The following AGBL4 variants were observed in gnomAD, a reference collection of about 807,000 sequenced individuals.
AGBL4 encodes cytosolic carboxypeptidase 6.
Under a neutral mutation model 66.4 loss-of-function variants are expected in AGBL4, and 58 were observed. That is an observed-to-expected ratio of 0.87 (90% CI 0.71 to 1.09). The LOEUF (loss-of-function observed/expected upper bound fraction) is 1.09, where lower values mean the gene tolerates loss of function less well. Among genes scored for constraint, AGBL4 ranks in the 50% least tolerant of loss-of-function variants. The probability of loss-of-function intolerance (pLI) is 0.00; values close to 1 mark genes in which losing one functional copy is unlikely to be tolerated. For synonymous variants in AGBL4, 234 were observed against 222.9 expected (o/e 1.05, Z -0.44); for missense variants, 579 against 631.0 (o/e 0.92, Z 0.88).
rs565130545 is a variant in AGBL4, at chr1:49,043,414, T to TG, written c.594+2169dup. 7.1e-3 allele frequency among the ~76,000 whole-genome samples: 1,075 copies of TG among 152,270 alleles called. 11 individuals are homozygous for TG. Among genetic ancestry groups the TG allele is most frequent in the Non-Finnish European group, 0.01 (692 of 68,014 alleles). The stretch of plus-strand genomic sequence containing the variant: ...TCTTAGGCTAACTGTGTACCTTAAC[T>TG]GAAGGTCACCAATTCTTTCTGAGAT... On this transcript the variant is annotated intron_variant, in intron 5 of 13. Coordinates refer to ENST00000371839, the MANE Select transcript of AGBL4 (RefSeq NM_032785.4).
chr1:48,840,270 C>T (rs1485296328), intron 6 of AGBL4, among the ~76,000 whole-genome samples: 1 of 152,080 alleles, frequency 6.6e-6, no homozygotes, highest in African/African-American at 2.4e-5. Flanking sequence ...ATAAGACTCC[C>T]AAGGCAGAGA....
chr1:49,246,581 T>C (rs993760343), intron 3 of AGBL4, among the ~76,000 whole-genome samples: 2 of 151,930 alleles, frequency 1.3e-5, no homozygotes, highest in South Asian at 2.1e-4. Context: ...CTGGGTCTTA[T>C]CTTTAAAATG....
At chr1:48,605,710 T>C (rs1169882024) in intron 9 of AGBL4, among the ~76,000 whole-genome samples, 7 of 152,190 alleles carry the variant, frequency 4.6e-5, no homozygotes, top group Non-Finnish European at 5.9e-5. Flanking sequence ...GAAATCCTTA[T>C]TGAATGAATA....
intron 10 of AGBL4, among the ~76,000 whole-genome samples, chr1:48,588,071 T>TCTCTCTATAGATGAGGAAACTGAGGTTTC (rs1431867106): frequency 3.9e-5 from 6 of 152,228 alleles, no homozygotes; most frequent in South Asian, 2.1e-4. Flanking sequence ...TCACATTTTA[T>TCTCTCTATAGATGAGGAAACTGAGGTTTC]CTCTCTATAG....
intron 6 of AGBL4, among the ~76,000 whole-genome samples, chr1:48,706,842 T>C (rs377655369): frequency 1.3e-5 from 2 of 152,216 alleles, no homozygotes; most frequent in Non-Finnish European, 2.9e-5. Context: ...ATCCAAGCTG[T>C]CTATGCTCTG....
chr1:49,799,425 A>T (rs1185148397), intron 2 of AGBL4, among the ~76,000 whole-genome samples: 1 of 152,192 alleles, frequency 6.6e-6, no homozygotes, highest in Non-Finnish European at 1.5e-5. Flanking sequence ...TGGTACACTT[A>T]TTGTATCACT....
At chr1:49,017,185 G>A (rs1048649755) in intron 5 of AGBL4, among the ~76,000 whole-genome samples, 1 of 152,194 alleles carries the variant, frequency 6.6e-6, no homozygotes, top group African/African-American at 2.4e-5. Flanking sequence ...GCATGTACTA[G>A]TATGTACTAC....
chr1:48,788,234 CTA>C (rs1286445352), intron 6 of AGBL4, among the ~76,000 whole-genome samples: 1 of 152,256 alleles, frequency 6.6e-6, no homozygotes, highest in African/African-American at 2.4e-5. Context: ...GTTGCAAAAA[CTA>C]TGAGTTGCCT....
At chr1:49,700,948 G>T (rs1169287239) in intron 2 of AGBL4, among the ~76,000 whole-genome samples, 2 of 152,044 alleles carry the variant, frequency 1.3e-5, no homozygotes, top group Non-Finnish European at 2.9e-5. Context: ...AAAATTATCT[G>T]AATGTACCCT....
chr1:48,624,754 T>G (rs1414699004), intron 9 of AGBL4, among the ~76,000 whole-genome samples: 1 of 152,172 alleles, frequency 6.6e-6, no homozygotes, highest in Non-Finnish European at 1.5e-5. Context: ...AGGGAACCCT[T>G]GAAGATGATA....
At chr1:49,473,954 T>C (rs1407561565) in intron 3 of AGBL4, among the ~76,000 whole-genome samples, 1 of 152,078 alleles carries the variant, frequency 6.6e-6, no homozygotes, top group African/African-American at 2.4e-5. Context: ...TGGGCAGGTT[T>C]ATTTCAGAGG....
At chr1:48,980,560 C>A (rs1170958962) in intron 5 of AGBL4, among the ~76,000 whole-genome samples, 2 of 151,366 alleles carry the variant, frequency 1.3e-5, no homozygotes, top group Non-Finnish European at 2.9e-5. Context: ...TTGAGCTGGG[C>A]ATGGTGGCCA....
intron 1 of AGBL4, among the ~76,000 whole-genome samples, chr1:49,992,057 AC>A (rs1211483831): frequency 2.0e-5 from 3 of 152,160 alleles, no homozygotes; most frequent in African/African-American, 7.2e-5. Flanking sequence ...CTTCATCACA[AC>A]CAGTCATCAA....
chr1:49,042,701 G>A (rs1334969334), intron 5 of AGBL4, among the ~76,000 whole-genome samples: 1 of 152,160 alleles, frequency 6.6e-6, no homozygotes, highest in African/African-American at 2.4e-5. Flanking sequence ...AAGGAGTAGA[G>A]TCATAAAATT....
chr1:49,739,450 G>C (rs1466261480), intron 2 of AGBL4, among the ~76,000 whole-genome samples: 1 of 152,182 alleles, frequency 6.6e-6, no homozygotes, highest in Non-Finnish European at 1.5e-5. Flanking sequence ...GAAAGTGACG[G>C]GGAGAATGGA....
intron 5 of AGBL4, among the ~76,000 whole-genome samples, chr1:48,918,425 C>G (rs1405279436): frequency 6.6e-6 from 1 of 152,202 alleles, no homozygotes; most frequent in Non-Finnish European, 1.5e-5. Context: ...TCCAAAGAGG[C>G]AGCCTGGTGT....
chr1:49,009,119 A>T (rs1662141987), intron 5 of AGBL4, among the ~76,000 whole-genome samples: 1 of 152,020 alleles, frequency 6.6e-6, no homozygotes, highest in Admixed American at 6.6e-5. Flanking sequence ...AACAAAATAG[A>T]TAGACTGCTA....
intron 6 of AGBL4, among the ~76,000 whole-genome samples, chr1:48,795,656 T>C (rs537883365): frequency 1.3e-5 from 2 of 152,322 alleles, no homozygotes; most frequent in South Asian, 4.1e-4. Context: ...TTTAGTTCTA[T>C]GCAATGTTTT....
chr1:48,700,779 A>C (rs1646789075), intron 6 of AGBL4, among the ~76,000 whole-genome samples: 1 of 152,178 alleles, frequency 6.6e-6, no homozygotes, highest in Non-Finnish European at 1.5e-5. Context: ...AAAGTCAGCA[A>C]GTCTGTAATT....
Sources: gnomAD v4.1 joint callset for allele counts (sites outside exome capture counted in the v4.1 genomes callset) on GRCh38, gnomAD v4.1.1 for gene constraint, MANE v1.5 for transcripts, NCBI Gene and HGNC (gene_info 2026-07-23, HGNC 2026-07-21) for gene names.